Variants in DYNC1I1 observed in about 807,000 individuals in gnomAD.
DYNC1I1 encodes dynein cytoplasmic 1 intermediate chain 1.
Under a neutral mutation model 86.6 loss-of-function variants are expected in DYNC1I1, and 43 were observed. The observed-to-expected ratio is 0.50, with a 90% CI of 0.39 to 0.64. The LOEUF (loss-of-function observed/expected upper bound fraction) is 0.64. DYNC1I1 is among the 30% of genes least tolerant of loss of function. DYNC1I1 has a pLI of 0.00. For missense variants in DYNC1I1, 604 were observed against 788.8 expected, an observed-to-expected ratio of 0.77 and a Z score of 2.81; for synonymous variants, 262 against 283.7, an observed-to-expected ratio of 0.92 and a Z score of 0.77.
chr7:95,901,124 G>T (rs1355892837), intron 6 of DYNC1I1, among the ~76,000 whole-genome samples: 4 of 152,208 alleles, frequency 2.6e-5, no homozygotes. Context: ...TCCGGCAAAG[G>T]CAGACTGCTG....
chr7:96,069,045 C>T (rs924133432), intron 14 of DYNC1I1, among the ~76,000 whole-genome samples: 19 of 152,082 alleles, frequency 1.2e-4, no homozygotes, highest in Admixed American at 1.1e-3. Flanking sequence ...CTGATACAAC[C>T]ACATATCTAG....
chr7:95,813,118 T>A, intron 3 of DYNC1I1, 129 bp from the exon 4 acceptor site: 37 of 1,214,464 alleles, frequency 3.0e-5, no homozygotes, highest in African/African-American at 5.0e-5. Context: ...CTTTATCCCA[T>A]CTCAATGTCT....
chr7:95,936,965 C>CACACACACACAA (rs1792060825), intron 6 of DYNC1I1, among the ~76,000 whole-genome samples: 1 of 151,110 alleles, frequency 6.6e-6, no homozygotes, highest in African/African-American at 2.4e-5. Flanking sequence ...CTCACACACA[C>CACACACACACAA]ACACACACAC....
chr7:95,978,744 G>A (rs1793374417), intron 7 of DYNC1I1, among the ~76,000 whole-genome samples: 1 of 152,128 alleles, frequency 6.6e-6, no homozygotes, highest in Non-Finnish European at 1.5e-5. Flanking sequence ...GAGAAAATTA[G>A]AGAAGCCCAA....
At chr7:96,051,081 G>T (rs939084014) in intron 14 of DYNC1I1, among the ~76,000 whole-genome samples, 10 of 152,136 alleles carry the variant, frequency 6.6e-5, no homozygotes. Flanking sequence ...GTTTGCTGAG[G>T]TTTTGGATAA....
chr7:95,834,481 C>A (rs1789016680), intron 5 of DYNC1I1, among the ~76,000 whole-genome samples: 1 of 105,854 alleles, frequency 9.4e-6, no homozygotes, highest in African/African-American at 4.2e-5. Flanking sequence ...TGATGCTGGC[C>A]TCATAAAATG....
At chr7:96,063,309 G>T (rs989160221) in intron 14 of DYNC1I1, among the ~76,000 whole-genome samples, 1 of 152,022 alleles carries the variant, frequency 6.6e-6, no homozygotes, top group Non-Finnish European at 1.5e-5. Context: ...AATTACATAA[G>T]TGCAGAATTG....
chr7:95,849,904 T>C (rs996409298), intron 5 of DYNC1I1, among the ~76,000 whole-genome samples: 1 of 152,176 alleles, frequency 6.6e-6, no homozygotes, highest in Non-Finnish European at 1.5e-5. Context: ...TCATCAGTAT[T>C]TTATAGTTTT....
intron 6 of DYNC1I1, among the ~76,000 whole-genome samples, chr7:95,910,590 A>G (rs1252750925): frequency 1.3e-5 from 2 of 152,156 alleles, no homozygotes; most frequent in Admixed American, 6.5e-5. Flanking sequence ...TGCTGGGGCC[A>G]GTAAGTAGAG....
chr7:95,844,940 T>A (rs2633946), intron 5 of DYNC1I1, among the ~76,000 whole-genome samples: 77,277 of 152,062 alleles, frequency 0.51, 21,878 homozygotes, highest in Non-Finnish European at 0.65. Flanking sequence ...CATTAGTTTA[T>A]AACAGTAGTA....
At chr7:96,108,413 A>G (rs775191508) in intron 16 of DYNC1I1, among the ~76,000 whole-genome samples, 3 of 152,154 alleles carry the variant, frequency 2.0e-5, no homozygotes, top group Admixed American at 6.5e-5. Flanking sequence ...ATGTCTTTAT[A>G]TGATTTTGAT....
chr7:96,035,477 G>C, intron 12 of DYNC1I1, 142 bp from the exon 13 acceptor site: 4 of 1,119,018 alleles, frequency 3.6e-6, no homozygotes, highest in Non-Finnish European at 4.8e-6. Flanking sequence ...GGGCAGTAAA[G>C]CATGGTTTCT....
chr7:95,857,545 T>C (rs1042995546), intron 5 of DYNC1I1, among the ~76,000 whole-genome samples: 1 of 152,210 alleles, frequency 6.6e-6, no homozygotes, highest in Non-Finnish European at 1.5e-5. Context: ...CTTATTGATA[T>C]TGAAGACTCT....
intron 14 of DYNC1I1, among the ~76,000 whole-genome samples, chr7:96,069,374 T>G (rs952700988): frequency 6.6e-6 from 1 of 152,210 alleles, no homozygotes; most frequent in Non-Finnish European, 1.5e-5. Context: ...TGCCTCAATT[T>G]TGCTAATGAG....
chr7:95,784,516 C>A (rs1408817011), intron 1 of DYNC1I1, among the ~76,000 whole-genome samples: 3 of 152,122 alleles, frequency 2.0e-5, no homozygotes, highest in African/African-American at 7.2e-5. Flanking sequence ...TCCTTGAATG[C>A]AAAGTGGGGG....
intron 14 of DYNC1I1, among the ~76,000 whole-genome samples, chr7:96,062,997 A>T (rs1789829516): frequency 6.6e-6 from 1 of 152,018 alleles, no homozygotes; most frequent in Non-Finnish European, 1.5e-5. Context: ...TCCCGGTGGT[A>T]TCAGGAACAT....
At chr7:95,980,536 CTT>C (rs56835338) in intron 7 of DYNC1I1, among the ~76,000 whole-genome samples, 1,378 of 54,362 alleles carry the variant, frequency 0.025, 25 homozygotes, top group African/African-American at 0.09. Context: ...AGAAATCTGG[CTT>C]TTTTTTTTTT....
intron 6 of DYNC1I1, among the ~76,000 whole-genome samples, chr7:95,931,022 C>T (rs937364730): frequency 1.4e-4 from 22 of 151,976 alleles, no homozygotes; most frequent in Admixed American, 9.2e-4. Flanking sequence ...TTGGGAAGAT[C>T]GTAGAAAAAC....
At chr7:95,883,619 A>G (rs140612212) in intron 6 of DYNC1I1, among the ~76,000 whole-genome samples, 66 of 152,336 alleles carry the variant, frequency 4.3e-4, no homozygotes, top group African/African-American at 1.5e-3. Context: ...TGTGTTAAAT[A>G]TGTTTGTTGA....
Sources: allele counts gnomAD v4.1 joint callset (sites outside exome capture counted in the v4.1 genomes callset), GRCh38; gene constraint gnomAD v4.1.1; transcripts MANE v1.5; gene names NCBI Gene and HGNC (gene_info 2026-07-23, HGNC 2026-07-21).